The following ATP8A2 variants were observed in gnomAD, a reference collection of about 807,000 sequenced individuals.
The protein encoded by ATP8A2 is phospholipid-transporting ATPase IB.
In ATP8A2, 100 loss-of-function variants were observed where a neutral mutation model predicts 165.6. That is an observed-to-expected ratio of 0.60 (90% confidence interval 0.51 to 0.71). The LOEUF (loss-of-function observed/expected upper bound fraction) is 0.71, where lower values mean the gene tolerates loss of function less well. Among genes scored for constraint, ATP8A2 ranks in the 30% least tolerant of loss-of-function variants. The pLI, the probability that ATP8A2 is intolerant of heterozygous loss-of-function variation, is 0.00. For missense variants in ATP8A2, 1,227 were observed against 1,479.5 expected (o/e 0.83, Z 2.80); for synonymous variants, 543 against 548.8 (o/e 0.99, Z 0.15).
At chr13:25,469,734 C>A (rs1440539457) in intron 2 of ATP8A2, among the ~76,000 whole-genome samples, 1 of 152,156 alleles carries the variant, frequency 6.6e-6, no homozygotes, top group African/African-American at 2.4e-5. Flanking sequence ...TGAAGCAGGC[C>A]AGGAGACTGG....
intron 33 of ATP8A2, among the ~76,000 whole-genome samples, chr13:25,889,434 T>C (rs1237937768): frequency 6.6e-6 from 1 of 152,120 alleles, no homozygotes; most frequent in African/African-American, 2.4e-5. Context: ...ATAATTTCAC[T>C]GTTCTTAAGA....
intron 24 of ATP8A2, among the ~76,000 whole-genome samples, chr13:25,634,734 G>A (rs566588768): frequency 6.6e-6 from 1 of 152,100 alleles, no homozygotes; most frequent in Non-Finnish European, 1.5e-5. Flanking sequence ...TGAAAGACCT[G>A]TACCAAGCAT....
At position 25,568,077 on chromosome 13, in the gene ATP8A2, A is replaced by C. The variant is rs186669984; in HGVS notation, c.1474-2690A>C. On this transcript the variant is annotated intron_variant, in intron 16 of 36. Coordinates refer to ENST00000381655, the MANE Select transcript of ATP8A2 (RefSeq NM_016529.6). ...CCAAGGGAATACTTCCATTTGCTAC[A>C]GAATTTTCTTTTTTTCCTATGTCAT... Among the ~76,000 whole-genome samples, 6 of 152,366 alleles carry C rather than the reference A, an allele frequency of 3.9e-5. No homozygotes were observed. The East Asian group carries it at 1.2e-3, about 29-fold the overall frequency.
intron 35 of ATP8A2, among the ~76,000 whole-genome samples, chr13:25,969,284 G>C (rs985932018): frequency 1.3e-5 from 2 of 152,174 alleles, no homozygotes; most frequent in African/African-American, 4.8e-5. Context: ...TCTGTGTGCA[G>C]TTTTTGTTTC....
chr13:25,799,214 G>A (rs1950564736), intron 27 of ATP8A2, among the ~76,000 whole-genome samples: 1 of 152,192 alleles, frequency 6.6e-6, no homozygotes, highest in Non-Finnish European at 1.5e-5. Context: ...AAGGAACTAG[G>A]ATGATAAGGG....
At chr13:25,559,368 A>G (rs545937096) in intron 14 of ATP8A2, among the ~76,000 whole-genome samples, 3 of 152,264 alleles carry the variant, frequency 2.0e-5, no homozygotes, top group Non-Finnish European at 2.9e-5. Flanking sequence ...CCTTGTCACT[A>G]CTAAACATAC....
intron 27 of ATP8A2, among the ~76,000 whole-genome samples, chr13:25,812,899 A>G (rs1950913685): frequency 1.3e-5 from 2 of 152,184 alleles, no homozygotes; most frequent in African/African-American, 2.4e-5. Flanking sequence ...CTGTGCAGCC[A>G]TAGAAAGGAA....
At chr13:25,986,053 A>AT (rs1444402359) in intron 35 of ATP8A2, among the ~76,000 whole-genome samples, 1 of 152,134 alleles carries the variant, frequency 6.6e-6, no homozygotes, top group African/African-American at 2.4e-5. Context: ...GAGGACTGTC[A>AT]TTCTTTTTTT....
At chr13:25,792,613 T>C (rs1197579885) in intron 27 of ATP8A2, among the ~76,000 whole-genome samples, 1 of 152,054 alleles carries the variant, frequency 6.6e-6, no homozygotes, top group East Asian at 1.9e-4. Context: ...GTTAGAAGGG[T>C]TAGGAAATAC....
chr13:25,592,667 A>G (rs1364428384), intron 24 of ATP8A2, among the ~76,000 whole-genome samples: 1 of 152,154 alleles, frequency 6.6e-6, no homozygotes, highest in Non-Finnish European at 1.5e-5. Context: ...TCTAACCTTG[A>G]AAAAAGCCTC....
chr13:25,603,464 C>T (rs1342238211), intron 24 of ATP8A2, among the ~76,000 whole-genome samples: 15 of 124,108 alleles, frequency 1.2e-4, no homozygotes, highest in African/African-American at 5.0e-4. Context: ...GAATGAGACT[C>T]TGTCTCAAAA....
intron 25 of ATP8A2, among the ~76,000 whole-genome samples, chr13:25,706,084 A>G (rs1000397428): frequency 1.3e-5 from 2 of 152,174 alleles, no homozygotes; most frequent in Non-Finnish European, 2.9e-5. Flanking sequence ...AGAAAGTAAG[A>G]TGAATTGGCT....
chr13:25,506,940 CATATATAT>C (rs59774160), intron 2 of ATP8A2, among the ~76,000 whole-genome samples: 9 of 128,710 alleles, frequency 7.0e-5, no homozygotes, highest in Non-Finnish European at 1.3e-4. Context: ...CAGTACAGTA[CATATATAT>C]ATATATATAT....
At chr13:25,677,295 C>A (rs1176108876) in intron 24 of ATP8A2, among the ~76,000 whole-genome samples, 1 of 152,234 alleles carries the variant, frequency 6.6e-6, no homozygotes, top group Non-Finnish European at 1.5e-5. Flanking sequence ...CAGTCCAGAA[C>A]ATTTCGAGCA....
intron 1 of ATP8A2, among the ~76,000 whole-genome samples, chr13:25,467,560 T>TG (rs1301946409): frequency 2.6e-5 from 4 of 151,956 alleles, no homozygotes; most frequent in Admixed American, 6.5e-5. Context: ...ATGTCAGTTT[T>TG]TTTTTTTTTT....
intron 2 of ATP8A2, among the ~76,000 whole-genome samples, chr13:25,475,147 T>A (rs993800307): frequency 6.6e-6 from 1 of 152,028 alleles, no homozygotes; most frequent in African/African-American, 2.4e-5. Flanking sequence ...CAATAGTTAT[T>A]TTTTCTGCAC....
intron 1 of ATP8A2, 161 bp from the exon 2 acceptor site, chr13:25,468,816 G>A (rs1346571996): frequency 1.0e-6 from 1 of 983,564 alleles, no homozygotes; most frequent in Non-Finnish European, 1.2e-6. Context: ...CGGCACAGGC[G>A]GCGGCGTCTC....
At chr13:25,536,867 C>T (rs960260282) in intron 6 of ATP8A2, among the ~76,000 whole-genome samples, 36 of 152,280 alleles carry the variant, frequency 2.4e-4, no homozygotes, top group African/African-American at 8.2e-4. Flanking sequence ...TGCCAGGTGC[C>T]GTGTATACTT....
At chr13:25,428,606 T>C (rs1052837163) in intron 1 of ATP8A2, among the ~76,000 whole-genome samples, 3 of 152,182 alleles carry the variant, frequency 2.0e-5, no homozygotes, top group South Asian at 2.1e-4. Flanking sequence ...GAGAAGGGCA[T>C]GTCTGACCTA....
Sources: gnomAD v4.1 joint callset for allele counts (sites outside exome capture counted in the v4.1 genomes callset) on GRCh38, gnomAD v4.1.1 for gene constraint, MANE v1.5 for transcripts, NCBI Gene and HGNC (gene_info 2026-07-23, HGNC 2026-07-21) for gene names.